The following LRP1B variants were observed in gnomAD, a reference collection of about 807,000 sequenced individuals.
LRP1B encodes the protein low-density lipoprotein receptor-related protein 1B.
LRP1B carries 217 observed loss-of-function variants against 556.6 expected under a neutral mutation model. That is an observed-to-expected ratio of 0.39 (90% CI 0.35 to 0.44). The LOEUF is 0.44. Ranked by LOEUF, LRP1B falls within the 20% of genes least tolerant of loss-of-function variation. The probability of loss-of-function intolerance (pLI) is 1.00; values close to 1 mark genes in which losing one functional copy is unlikely to be tolerated. For synonymous variants in LRP1B, 2,047 were observed against 1,865.8 expected (o/e 1.10, Z -2.50); for missense variants, 5,053 against 5,620.8 (o/e 0.90, Z 3.23).
intron 3 of LRP1B, among the ~76,000 whole-genome samples, chr2:141,277,897 CAAAAT>C (rs989454122): frequency 9.2e-5 from 14 of 151,712 alleles, no homozygotes; most frequent in African/African-American, 3.1e-4. Flanking sequence ...GAAAGGCAAA[CAAAAT>C]AAAACCCTCA....
chr2:140,270,448 G>C, intron 85 of LRP1B, 102 bp from the exon 86 acceptor site: 1 of 719,430 alleles, frequency 1.4e-6, no homozygotes, highest in South Asian at 1.8e-5. Flanking sequence ...CATCATATAG[G>C]AGAGATGGAG....
chr2:140,285,650 A>G (rs1443499640), intron 84 of LRP1B, among the ~76,000 whole-genome samples: 1 of 151,768 alleles, frequency 6.6e-6, no homozygotes, highest in Non-Finnish European at 1.5e-5. Context: ...GACTTTCATA[A>G]TAATTCAAAG....
Position 141,254,457 on chromosome 2 carries a change from T to A in LRP1B, c.463+65A>T. ...CACATGGTAGGTGCTCAAAGATGTCTGCTTACATTTCTGTTAACTAAGCCT... is the reference window on the plus strand; with the variant it reads ...CACATGGTAGGTGCTCAAAGATGTCAGCTTACATTTCTGTTAACTAAGCCT... On this transcript the variant is annotated intron_variant, in intron 4 of 90. Transcript: ENST00000389484. The A allele has an allele frequency of 2.0e-6, 3 of 1,535,534 alleles. No homozygotes were observed. In the South Asian group the frequency reaches 3.4e-5, roughly 17 times the overall value.
chr2:141,083,653 T>C (rs1699979598), intron 7 of LRP1B, among the ~76,000 whole-genome samples: 2 of 152,178 alleles, frequency 1.3e-5, no homozygotes, highest in South Asian at 4.1e-4. Flanking sequence ...AATCCATTTA[T>C]GGATTAACGG....
chr2:141,568,915 A>C (rs1297480600), intron 2 of LRP1B, among the ~76,000 whole-genome samples: 3 of 127,722 alleles, frequency 2.3e-5, no homozygotes, highest in Non-Finnish European at 3.7e-5. Flanking sequence ...CACCATGCCC[A>C]GTTAATTTTT....
At chr2:141,592,779 T>C (rs893693489) in intron 2 of LRP1B, among the ~76,000 whole-genome samples, 5 of 152,138 alleles carry the variant, frequency 3.3e-5, no homozygotes, top group Admixed American at 2.0e-4. Context: ...ATTCTAGGTT[T>C]TACTCACATA....
intron 3 of LRP1B, among the ~76,000 whole-genome samples, chr2:141,401,248 T>G (rs116787615): frequency 0.026 from 3,916 of 152,266 alleles, 159 homozygotes; most frequent in African/African-American, 0.09. Flanking sequence ...AATTGTTATG[T>G]GACTAGCTAT....
intron 1 of LRP1B, among the ~76,000 whole-genome samples, chr2:141,822,470 G>A (rs938436219): frequency 6.6e-6 from 1 of 151,992 alleles, no homozygotes; most frequent in Non-Finnish European, 1.5e-5. Flanking sequence ...TTCCTTGCAG[G>A]CTCTATTTTC....
intron 31 of LRP1B, among the ~76,000 whole-genome samples, chr2:140,832,289 T>G (rs1335434200): frequency 6.6e-6 from 1 of 152,096 alleles, no homozygotes; most frequent in Non-Finnish European, 1.5e-5. Context: ...ATGTGGGTGG[T>G]CCTGGAACCA....
At chr2:140,825,305 C>T (rs1691464261) in intron 31 of LRP1B, among the ~76,000 whole-genome samples, 1 of 152,142 alleles carries the variant, frequency 6.6e-6, no homozygotes, top group Non-Finnish European at 1.5e-5. Context: ...AAGGGAAATA[C>T]AGCTGGAGTG....
intron 53 of LRP1B, among the ~76,000 whole-genome samples, chr2:140,505,969 A>G (rs1689391303): frequency 6.6e-6 from 1 of 152,112 alleles, no homozygotes; most frequent in African/African-American, 2.4e-5. Context: ...TAGGTTGTAT[A>G]GATATTATAT....
chr2:141,373,217 A>G (rs971968069), intron 3 of LRP1B, among the ~76,000 whole-genome samples: 3 of 152,054 alleles, frequency 2.0e-5, no homozygotes, highest in African/African-American at 7.2e-5. Flanking sequence ...AAATCACTTG[A>G]TGTGATTTCA....
intron 3 of LRP1B, among the ~76,000 whole-genome samples, chr2:141,393,651 C>T (rs976726642): frequency 9.2e-5 from 14 of 152,072 alleles, no homozygotes; most frequent in African/African-American, 3.4e-4. Flanking sequence ...CAGGCTTGGA[C>T]TGGGTCGGCT....
chr2:141,246,674 C>T lies in LRP1B; in HGVS notation c.592+552G>A, dbSNP rs187205522. Reference sequence around the variant, plus strand: ...ACAGATTTTTGCTAATTAGAAACTTCCTGCAATAGGCTGGGCACTGCGGCT... The same window carrying T: ...ACAGATTTTTGCTAATTAGAAACTTTCTGCAATAGGCTGGGCACTGCGGCT... On this transcript the variant is annotated intron_variant, in intron 5 of 90. Coordinates refer to ENST00000389484, the MANE Select transcript of LRP1B (RefSeq NM_018557.3). 3.5e-3 allele frequency among the ~76,000 whole-genome samples: 540 copies of T among 152,240 alleles called. 2 individuals are homozygous for T. The highest frequency in any genetic ancestry group is 6.1e-3 in the Non-Finnish European group (413 of 68,008).
intron 41 of LRP1B, among the ~76,000 whole-genome samples, chr2:140,671,288 A>C (rs537871297): frequency 1.3e-5 from 2 of 152,214 alleles, no homozygotes; most frequent in African/African-American, 4.8e-5. Flanking sequence ...TGGGAGGCCA[A>C]GGCGGGCGGA....
chr2:140,619,074 T>TACACACAC (rs113009077), intron 41 of LRP1B, among the ~76,000 whole-genome samples: 3 of 146,468 alleles, frequency 2.0e-5, no homozygotes, highest in Non-Finnish European at 4.5e-5. Context: ...TATATCTATC[T>TACACACAC]ACACACACAC....
chr2:140,652,068 AG>A (rs1684708954), intron 41 of LRP1B, among the ~76,000 whole-genome samples: 1 of 152,186 alleles, frequency 6.6e-6, no homozygotes. Context: ...TATAAAAAAA[AG>A]TAGCAGAAAG....
intron 7 of LRP1B, among the ~76,000 whole-genome samples, chr2:141,071,801 C>T (rs528805913): frequency 5.9e-5 from 9 of 152,146 alleles, no homozygotes; most frequent in African/African-American, 9.6e-5. Flanking sequence ...CTACAAGGGA[C>T]GCGAAGGACC....
At chr2:141,617,749 T>C (rs1445419483) in intron 2 of LRP1B, among the ~76,000 whole-genome samples, 4 of 152,192 alleles carry the variant, frequency 2.6e-5, no homozygotes, top group Non-Finnish European at 4.4e-5. Flanking sequence ...TAATACCAAG[T>C]TTACTTTTTG....
Sources: allele counts gnomAD v4.1 joint callset (sites outside exome capture counted in the v4.1 genomes callset), GRCh38; gene constraint gnomAD v4.1.1; transcripts MANE v1.5; gene names NCBI Gene and HGNC (gene_info 2026-07-23, HGNC 2026-07-21).